SNX24: variants seen among roughly 807,000 people sequenced by gnomAD.
SNX24 encodes the protein sorting nexin-24.
A neutral mutation model predicts 28.7 loss-of-function variants in SNX24; 22 were observed. The ratio of observed to expected loss-of-function variants is 0.77; its 90% CI spans 0.55 to 1.10. The LOEUF (loss-of-function observed/expected upper bound fraction) is 1.10, where lower values mean the gene tolerates loss of function less well. Ranked by LOEUF, SNX24 falls within the 50% of genes least tolerant of loss-of-function variation. The probability of loss-of-function intolerance (pLI) is 0.00; values close to 1 mark genes in which losing one functional copy is unlikely to be tolerated. For synonymous variants in SNX24, 69 were observed against 71.5 expected (o/e 0.96, Z 0.18); for missense variants, 221 against 201.1 (o/e 1.10, Z -0.60).
chr5:122,846,111 T>C (rs996655283), intron 1 of SNX24, among the ~76,000 whole-genome samples: 12 of 137,202 alleles, frequency 8.7e-5, no homozygotes, highest in Non-Finnish European at 1.4e-4. Flanking sequence ...GGAAAACCTG[T>C]TTTTTTTTTT....
intron 3 of SNX24, among the ~76,000 whole-genome samples, chr5:122,976,023 A>G (rs549833369): frequency 1.3e-5 from 2 of 152,294 alleles, no homozygotes; most frequent in South Asian, 4.1e-4. Context: ...ACATTGCCCA[A>G]TAAGAGGGGA....
At chr5:122,950,483 C>A (rs1342685264) in intron 3 of SNX24, among the ~76,000 whole-genome samples, 1 of 152,168 alleles carries the variant, frequency 6.6e-6, no homozygotes, top group African/African-American at 2.4e-5. Flanking sequence ...ATGGTGCAGG[C>A]TTCATCTGGC....
chr5:122,852,828 G>A (rs1181646445), intron 1 of SNX24, among the ~76,000 whole-genome samples: 2 of 152,112 alleles, frequency 1.3e-5, no homozygotes, highest in Non-Finnish European at 2.9e-5. Context: ...TTAACCAGAT[G>A]GAGTTAAAAT....
In SNX24 at chr5:123,016,094, C is replaced by T. The variant is rs567717362; in HGVS notation, n.384-13144C>T. ...AACCTTGGTATCTTTCCAAATTCGACCTTGGTAAACTAGAATCCTTGCCCT... is the reference window on the plus strand; with the variant it reads ...AACCTTGGTATCTTTCCAAATTCGATCTTGGTAAACTAGAATCCTTGCCCT... On this transcript the variant is annotated intron_variant and non_coding_transcript_variant, in intron 5 of 5. Transcript: ENST00000502387. 2.1e-4 allele frequency among the ~76,000 whole-genome samples: 32 copies of T among 152,252 alleles called. No homozygotes were observed. In the South Asian group the frequency reaches 6.2e-3, roughly 30 times the overall value.
chr5:122,866,094 A>T (rs1048796414), intron 1 of SNX24, among the ~76,000 whole-genome samples: 3 of 152,228 alleles, frequency 2.0e-5, no homozygotes, highest in Non-Finnish European at 4.4e-5. Context: ...GGAAATACTC[A>T]TGACAATTCA....
intron 1 of SNX24, among the ~76,000 whole-genome samples, chr5:122,874,802 T>TGGTA (rs2150054982): frequency 6.6e-6 from 1 of 152,334 alleles, no homozygotes; most frequent in Admixed American, 6.5e-5. Flanking sequence ...ATGTGTTGAA[T>TGGTA]GGTAACCAGT....
chr5:122,926,529 A>AT (rs998848970), intron 1 of SNX24, among the ~76,000 whole-genome samples: 2 of 152,196 alleles, frequency 1.3e-5, no homozygotes, highest in Non-Finnish European at 2.9e-5. Flanking sequence ...GACAGAATCA[A>AT]TTTCCAGAAA....
At chr5:122,994,206 G>C (rs1348014160) in intron 3 of SNX24, among the ~76,000 whole-genome samples, 3 of 152,172 alleles carry the variant, frequency 2.0e-5, no homozygotes, top group Non-Finnish European at 2.9e-5. Context: ...TGGCTGCTGG[G>C]TAGGTTTGGA....
intron 3 of SNX24, among the ~76,000 whole-genome samples, chr5:122,970,602 G>A (rs1760917988): frequency 6.6e-6 from 1 of 152,148 alleles, no homozygotes; most frequent in Admixed American, 6.5e-5. Flanking sequence ...CCGAGTAGCT[G>A]GGACTACAGG....
intron 3 of SNX24, among the ~76,000 whole-genome samples, chr5:122,961,735 C>G (rs904723971): frequency 6.6e-6 from 1 of 152,148 alleles, no homozygotes; most frequent in African/African-American, 2.4e-5. Flanking sequence ...CTGTTAATAA[C>G]TTAAATCCAT....
At chr5:122,923,511 T>C (rs1475190320) in intron 1 of SNX24, among the ~76,000 whole-genome samples, 4 of 152,224 alleles carry the variant, frequency 2.6e-5, no homozygotes, top group Non-Finnish European at 5.9e-5. Context: ...AGTTTCATTC[T>C]TAAACAGGAA....
At chr5:122,892,817 G>A (rs949820622) in intron 1 of SNX24, among the ~76,000 whole-genome samples, 2 of 151,730 alleles carry the variant, frequency 1.3e-5, no homozygotes, top group African/African-American at 4.8e-5. Context: ...CACCCAGGCT[G>A]GAATGCAGTG....
intron 1 of SNX24, among the ~76,000 whole-genome samples, chr5:122,856,489 A>G (rs868690012): frequency 2.0e-5 from 3 of 151,094 alleles, no homozygotes; most frequent in Admixed American, 2.0e-4. Context: ...TATATAACCA[A>G]TAATTGGAAT....
chr5:122,849,152 T>C (rs564524433), intron 1 of SNX24, among the ~76,000 whole-genome samples: 7 of 152,366 alleles, frequency 4.6e-5, no homozygotes, highest in Admixed American at 3.9e-4. Context: ...CTTTACAGTT[T>C]TTACAGATAT....
chr5:122,899,572 C>A (rs1293056509), intron 1 of SNX24, among the ~76,000 whole-genome samples: 2 of 152,114 alleles, frequency 1.3e-5, no homozygotes. Flanking sequence ...CCATGCCTGG[C>A]TGATTTTTGT....
intron 3 of SNX24, among the ~76,000 whole-genome samples, chr5:122,947,750 A>G (rs140315943): frequency 6.6e-5 from 10 of 152,318 alleles, no homozygotes; most frequent in African/African-American, 2.4e-4. Flanking sequence ...CATGTTCTCT[A>G]TAATTAAATG....
intron 3 of SNX24, among the ~76,000 whole-genome samples, chr5:122,979,874 C>G (rs935811851): frequency 1.3e-5 from 2 of 152,138 alleles, no homozygotes; most frequent in African/African-American, 2.4e-5. Flanking sequence ...AGCGGTCCAC[C>G]CGAATCTTTT....
intron 1 of SNX24, among the ~76,000 whole-genome samples, chr5:122,893,169 A>T (rs1213537076): frequency 2.6e-5 from 4 of 152,272 alleles, no homozygotes; most frequent in Middle Eastern, 3.4e-3. Context: ...TTAAAAAAAA[A>T]AAAAAATTCA....
intron 1 of SNX24, among the ~76,000 whole-genome samples, chr5:122,872,608 AATC>A (rs1232819490): frequency 6.6e-6 from 1 of 152,148 alleles, no homozygotes; most frequent in Non-Finnish European, 1.5e-5. Flanking sequence ...GTGTACTTTA[AATC>A]ATCTCTGGAC....
Sources: gnomAD v4.1 joint callset for allele counts (sites outside exome capture counted in the v4.1 genomes callset) on GRCh38, gnomAD v4.1.1 for gene constraint, MANE v1.5 for transcripts, NCBI Gene and HGNC (gene_info 2026-07-23, HGNC 2026-07-21) for gene names.